Variants in SDK1 observed in about 807,000 individuals in gnomAD.
SDK1 encodes the protein sidekick cell adhesion molecule 1, also known as protein sidekick-1.
SDK1 carries 157 observed loss-of-function variants against 245.5 expected under a neutral mutation model. That is an observed-to-expected ratio of 0.64 (90% CI 0.56 to 0.73). SDK1 has a LOEUF of 0.73. Ranked by LOEUF, SDK1 falls within the 30% of genes least tolerant of loss-of-function variation. The pLI, the probability that SDK1 is intolerant of heterozygous loss-of-function variation, is 0.00. For missense variants in SDK1, 3,583 were observed against 3,002.3 expected, an observed-to-expected ratio of 1.19 and a Z score of -4.52; for synonymous variants, 1,647 against 1,278.5, an observed-to-expected ratio of 1.29 and a Z score of -6.15.
At chr7:3,508,878 G>T (rs1410593216) in intron 1 of SDK1, among the ~76,000 whole-genome samples, 1 of 152,182 alleles carries the variant, frequency 6.6e-6, no homozygotes, top group African/African-American at 2.4e-5. Flanking sequence ...ATGAAGGAAT[G>T]AATGATATTA....
chr7:3,981,583 A>G (rs1362596597), intron 13 of SDK1, among the ~76,000 whole-genome samples: 2 of 152,262 alleles, frequency 1.3e-5, no homozygotes, highest in Admixed American at 6.5e-5. Context: ...AAGGACATTT[A>G]AAGTGCTCCA....
intron 26 of SDK1, 82 bp from the exon 27 acceptor site, chr7:4,129,826 A>C: frequency 6.3e-7 from 1 of 1,578,158 alleles, no homozygotes; most frequent in South Asian, 1.1e-5. Flanking sequence ...GCCTTGATTC[A>C]CGAAGGGGGC....
rs182629680 is a variant in SDK1, at chr7:4,075,451, G to A, written c.3011-1547G>A. 1.7e-3 allele frequency among the ~76,000 whole-genome samples: 259 copies of A among 152,252 alleles called. 5 individuals carry two copies. Among genetic ancestry groups the A allele is most frequent in the Admixed American group, 0.014 (217 of 15,286 alleles). On this transcript the variant is annotated intron_variant, in intron 20 of 44. Transcript: ENST00000404826. ...AGAATGAGGAGGAAGTTTCAGGTGC[G>A]TCCTAGCGCTTCTATATCCCTGAGG...
In SDK1 at chr7:4,119,645, A is replaced by G. The variant is rs902885247; in HGVS notation, c.3823+5371A>G. Among the ~76,000 whole-genome samples the G allele has an allele frequency of 4.0e-5, 6 of 149,190 alleles. 1 individual carries two copies. The highest frequency in any genetic ancestry group is 1.5e-4 in the African/African-American group (6 of 40,842). On this transcript the variant is annotated intron_variant, in intron 25 of 44. Transcript: ENST00000404826. Reference sequence around the variant, plus strand: ...AAATAAAACAAAAAGAAAATACACAAAAAACTAAAGAAACATGGTTTCAGG... The same window carrying G: ...AAATAAAACAAAAAGAAAATACACAGAAAACTAAAGAAACATGGTTTCAGG...
chr7:4,144,145 A>G (rs1779787208), intron 28 of SDK1, among the ~76,000 whole-genome samples: 1 of 150,194 alleles, frequency 6.7e-6, no homozygotes, highest in Admixed American at 6.6e-5. Flanking sequence ...GGCGTGGGGG[A>G]AGGGGAGGCC....
intron 1 of SDK1, among the ~76,000 whole-genome samples, chr7:3,392,861 T>C (rs976050519): frequency 6.6e-6 from 1 of 152,132 alleles, no homozygotes; most frequent in Non-Finnish European, 1.5e-5. Flanking sequence ...ATTCATTCAT[T>C]TGTTGATGGA....
At chr7:4,129,747 CA>C (rs1400261091) in intron 26 of SDK1, 160 bp from the exon 27 acceptor site, 6 of 1,439,736 alleles carry the variant, frequency 4.2e-6, no homozygotes, top group Middle Eastern at 2.5e-4. Context: ...CCCCAAATGC[CA>C]GCATGGACAA....
intron 1 of SDK1, among the ~76,000 whole-genome samples, chr7:3,399,614 T>C (rs1778827456): frequency 6.6e-6 from 1 of 152,194 alleles, no homozygotes; most frequent in East Asian, 1.9e-4. Context: ...CTTCGTATAG[T>C]GACTTCTCTG....
At chr7:3,746,519 C>G (rs1306851013) in intron 4 of SDK1, among the ~76,000 whole-genome samples, 1 of 152,196 alleles carries the variant, frequency 6.6e-6, no homozygotes, top group Non-Finnish European at 1.5e-5. Flanking sequence ...ATTGGAGTCA[C>G]TCCTCTCAAA....
chr7:3,357,634 C>T (rs1007614419), intron 1 of SDK1, among the ~76,000 whole-genome samples: 10 of 151,920 alleles, frequency 6.6e-5, no homozygotes, highest in Non-Finnish European at 1.2e-4. Flanking sequence ...AGGCATGAGC[C>T]GCACGCCCAG....
intron 1 of SDK1, among the ~76,000 whole-genome samples, chr7:3,612,340 T>C (rs1235618096): frequency 2.6e-5 from 4 of 152,230 alleles, no homozygotes; most frequent in African/African-American, 4.8e-5. Flanking sequence ...TATCTAGTTA[T>C]CTATTTAAAC....
intron 4 of SDK1, among the ~76,000 whole-genome samples, chr7:3,646,566 C>A (rs766938917): frequency 6.6e-6 from 1 of 152,168 alleles, no homozygotes; most frequent in South Asian, 2.1e-4. Flanking sequence ...ACACACAGAG[C>A]CAGGGTTCAC....
chr7:3,937,912 A>G (rs1460646278), intron 5 of SDK1, among the ~76,000 whole-genome samples: 1 of 151,862 alleles, frequency 6.6e-6, no homozygotes, highest in Non-Finnish European at 1.5e-5. Flanking sequence ...ATCTCGGCTC[A>G]CTGCAACCTC....
At chr7:4,027,424 C>G (rs1019067279) in intron 17 of SDK1, among the ~76,000 whole-genome samples, 1 of 152,144 alleles carries the variant, frequency 6.6e-6, no homozygotes, top group African/African-American at 2.4e-5. Context: ...TTTGCACAGT[C>G]CCGTAGGGAT....
At chr7:4,057,186 C>A (rs974884453) in intron 19 of SDK1, among the ~76,000 whole-genome samples, 1 of 152,184 alleles carries the variant, frequency 6.6e-6, no homozygotes, top group Admixed American at 6.5e-5. Flanking sequence ...CTGGGGGTCA[C>A]CCCACCCCAG....
rs1043255753 is a variant in SDK1 at position 3,856,791 on chromosome 7, C to T, written c.847+35208C>T. On this transcript the variant is annotated intron_variant, in intron 5 of 44. Coordinates refer to ENST00000404826, the MANE Select transcript of SDK1 (RefSeq NM_152744.4). ...GGGCAACAAGAGCGAAACTCCACCTCGAAAAACAGCTATGTTATATGCTAC... is the reference window on the plus strand; with the variant it reads ...GGGCAACAAGAGCGAAACTCCACCTTGAAAAACAGCTATGTTATATGCTAC... Among the ~76,000 whole-genome samples the T allele has an allele frequency of 5.3e-5, 8 of 152,000 alleles. No individual in the cohort carries two copies. The South Asian group carries it at 6.2e-4, about 12-fold the overall frequency.
At chr7:3,807,124 T>C (rs1341923146) in intron 4 of SDK1, among the ~76,000 whole-genome samples, 1 of 152,124 alleles carries the variant, frequency 6.6e-6, no homozygotes, top group Non-Finnish European at 1.5e-5. Context: ...TTCTTACCTT[T>C]TGAGAAAAAA....
chr7:3,927,808 C>T lies in SDK1; in HGVS notation c.848-23115C>T, dbSNP rs544746925. On this transcript the variant is annotated intron_variant, in intron 5 of 44. Transcript: ENST00000404826. ...TACTTCTCCGCAGGAACCTGGCTCACTTACTGTCTTTAGATAATGGAAATC... is the reference window on the plus strand; with the variant it reads ...TACTTCTCCGCAGGAACCTGGCTCATTTACTGTCTTTAGATAATGGAAATC... Among the ~76,000 whole-genome samples, 3 of 152,332 alleles carry T rather than the reference C, an allele frequency of 2.0e-5. No homozygotes were observed. The South Asian group carries it at 6.2e-4, about 32-fold the overall frequency.
intron 1 of SDK1, among the ~76,000 whole-genome samples, chr7:3,375,661 G>C (rs555525690): frequency 6.6e-6 from 1 of 152,302 alleles, no homozygotes; most frequent in Non-Finnish European, 1.5e-5. Context: ...CTGTGGAGAA[G>C]TCCTTGTGGA....
Sources: allele counts gnomAD v4.1 joint callset (sites outside exome capture counted in the v4.1 genomes callset), GRCh38; gene constraint gnomAD v4.1.1; transcripts MANE v1.5; gene names NCBI Gene and HGNC (gene_info 2026-07-23, HGNC 2026-07-21).